Variants in NFIB observed in about 807,000 individuals in gnomAD.
NFIB encodes nuclear factor 1 B-type.
In NFIB, 11 loss-of-function variants were observed where a neutral mutation model predicts 61.5. That is an observed-to-expected ratio of 0.18 (90% CI 0.11 to 0.30). NFIB has a LOEUF of 0.30. Among genes scored for constraint, NFIB ranks in the 10% least tolerant of loss-of-function variants. The pLI, the probability that NFIB is intolerant of heterozygous loss-of-function variation, is 1.00. For missense variants in NFIB, 471 were observed against 608.9 expected (o/e 0.77, Z 2.38); for synonymous variants, 260 against 216.5 (o/e 1.20, Z -1.76).
At chr9:14,237,841 CAGTGTGTGTGTGTGTGTGTG>C (rs2053933060) in intron 2 of NFIB, among the ~76,000 whole-genome samples, 1 of 26,000 alleles carries the variant, frequency 3.8e-5, no homozygotes, top group Non-Finnish European at 7.4e-5. Context: ...CTAGGTATAA[CAGTGTGTGTGTGTGTGTGTG>C]TGTGTGTGTG....
chr9:14,121,191 T>C (rs7034613), intron 7 of NFIB, among the ~76,000 whole-genome samples: 4 of 152,028 alleles, frequency 2.6e-5, no homozygotes, highest in South Asian at 4.1e-4. Context: ...TTGAATCCAG[T>C]AGACGGAGGT....
intron 2 of NFIB, among the ~76,000 whole-genome samples, chr9:14,304,306 T>G (rs1174549386): frequency 6.6e-6 from 1 of 152,226 alleles, no homozygotes; most frequent in Non-Finnish European, 1.5e-5. Flanking sequence ...TGGTCAACAA[T>G]GAAACTTTAG....
the NFIB span, among the ~76,000 whole-genome samples, chr9:14,460,539 CT>C: frequency 6.6e-6 from 1 of 152,004 alleles, no homozygotes; most frequent in African/African-American, 2.4e-5. Context: ...AGGGCTATTT[CT>C]GTTGCAGATA....
chr9:14,270,492 C>T (rs1300710215), intron 2 of NFIB, among the ~76,000 whole-genome samples: 2 of 138,172 alleles, frequency 1.4e-5, no homozygotes, highest in Non-Finnish European at 3.0e-5. Context: ...AGACCATTGG[C>T]TTGAGATCAG....
the NFIB span, among the ~76,000 whole-genome samples, chr9:14,501,005 T>C: frequency 6.6e-6 from 1 of 152,232 alleles, no homozygotes; most frequent in Non-Finnish European, 1.5e-5. Flanking sequence ...AATGAATCTG[T>C]GGGATTGAGT....
intron 3 of NFIB, among the ~76,000 whole-genome samples, chr9:14,171,589 G>GA (rs1452319555): frequency 6.6e-6 from 1 of 152,116 alleles, no homozygotes; most frequent in Non-Finnish European, 1.5e-5. Flanking sequence ...ATATGTGGAG[G>GA]ATAAGGAAGA....
At chr9:14,225,958 G>A (rs973652202) in intron 2 of NFIB, among the ~76,000 whole-genome samples, 1 of 152,104 alleles carries the variant, frequency 6.6e-6, no homozygotes, top group Non-Finnish European at 1.5e-5. Context: ...ATATGATTTA[G>A]AACAGTGATC....
At chr9:14,094,037 C>A (rs1258111547) in intron 10 of NFIB, among the ~76,000 whole-genome samples, 1 of 152,012 alleles carries the variant, frequency 6.6e-6, no homozygotes, top group East Asian at 1.9e-4. Flanking sequence ...CCATTATTAT[C>A]CTGATTTTAC....
At chr9:14,385,489 T>C (rs2061539132) in intron 1 of NFIB, among the ~76,000 whole-genome samples, 1 of 152,224 alleles carries the variant, frequency 6.6e-6, no homozygotes, top group East Asian at 1.9e-4. Context: ...TACAAATATT[T>C]TTCTTATACA....
rs951357074 is a variant in NFIB at position 14,204,419 on chromosome 9, C to A, written c.563-24639G>T. ...AGACCTCGCCCGCTTTGTGAAATGG[C>A]CCCGCTATAGCAGGTTGCAGCGGCA... On this transcript the variant is annotated intron_variant, in intron 2 of 10. Coordinates refer to ENST00000380953, the MANE Select transcript of NFIB (RefSeq NM_001190737.2). 10 of 1,143,934 alleles carry A rather than the reference C, an allele frequency of 8.7e-6. No homozygotes were observed. The African/African-American group carries it at 1.4e-4, about 16-fold the overall frequency. 70.9% of individuals were successfully genotyped at this position (1,143,934 alleles called of 1,614,324 possible). A position where few individuals can be genotyped will look rare whatever the true frequency, so the allele number is the denominator to read the frequency against.
intron 2 of NFIB, among the ~76,000 whole-genome samples, chr9:14,191,269 A>G (rs1224853316): frequency 6.6e-6 from 1 of 152,176 alleles, no homozygotes; most frequent in Non-Finnish European, 1.5e-5. Context: ...TTGAGGCTGC[A>G]GTGAGCTGAG....
At chr9:14,125,861 G>C in intron 6 of NFIB, 95 bp from the exon 7 acceptor site, 1 of 1,500,938 alleles carries the variant, frequency 6.7e-7, no homozygotes, top group Non-Finnish European at 8.9e-7. Context: ...CAACATTTTA[G>C]TATTCTTATA....
intron 2 of NFIB, among the ~76,000 whole-genome samples, chr9:14,219,196 G>T (rs1306975044): frequency 6.6e-6 from 1 of 152,006 alleles, no homozygotes; most frequent in Non-Finnish European, 1.5e-5. Context: ...ATGTTTAAAG[G>T]AGTTTTGCAT....
chr9:14,309,154 T>A (rs1305190174), intron 1 of NFIB, among the ~76,000 whole-genome samples: 1 of 152,240 alleles, frequency 6.6e-6, no homozygotes, highest in Non-Finnish European at 1.5e-5. Context: ...GAATAAATTC[T>A]ATTTAACAGC....
chr9:14,502,015 G>A, the NFIB span, among the ~76,000 whole-genome samples: 2 of 152,150 alleles, frequency 1.3e-5, no homozygotes, highest in Non-Finnish European at 2.9e-5. Flanking sequence ...ATGAGAAATG[G>A]AAGTTTTGAT....
chr9:14,525,615 A>C, the NFIB span, among the ~76,000 whole-genome samples: 1 of 152,174 alleles, frequency 6.6e-6, no homozygotes, highest in Non-Finnish European at 1.5e-5. Flanking sequence ...TTAATGATGA[A>C]AATTAAGCTA....
At chr9:14,451,320 C>T in the NFIB span, among the ~76,000 whole-genome samples, 2 of 152,198 alleles carry the variant, frequency 1.3e-5, no homozygotes, top group South Asian at 2.1e-4. Flanking sequence ...TGATATTTCA[C>T]AGTATTTCTT....
chr9:14,509,809 T>C, the NFIB span, among the ~76,000 whole-genome samples: 1 of 152,202 alleles, frequency 6.6e-6, no homozygotes, highest in Non-Finnish European at 1.5e-5. Flanking sequence ...GGTTAAAAAC[T>C]AGCAGGTGTG....
the NFIB span, among the ~76,000 whole-genome samples, chr9:14,484,174 TACTC>T: frequency 6.6e-6 from 1 of 152,222 alleles, no homozygotes; most frequent in Non-Finnish European, 1.5e-5. Flanking sequence ...AAATGTAACT[TACTC>T]AGTTTTTGCT....
Sources: gnomAD v4.1 joint callset for allele counts (sites outside exome capture counted in the v4.1 genomes callset) on GRCh38, gnomAD v4.1.1 for gene constraint, MANE v1.5 for transcripts, NCBI Gene and HGNC (gene_info 2026-07-23, HGNC 2026-07-21) for gene names.